Variants in HSPH1 observed in about 807,000 individuals in gnomAD.
HSPH1 encodes the protein heat shock protein 105 kDa.
Under a neutral mutation model 100.0 loss-of-function variants are expected in HSPH1, and 40 were observed. The ratio of observed to expected loss-of-function variants is 0.40; its 90% CI spans 0.31 to 0.52. The LOEUF (loss-of-function observed/expected upper bound fraction) is 0.52. HSPH1 is among the 20% of genes least tolerant of loss of function. The pLI, the probability that HSPH1 is intolerant of heterozygous loss-of-function variation, is 0.54. For synonymous variants in HSPH1, 403 were observed against 344.0 expected, an observed-to-expected ratio of 1.17 and a Z score of -1.90; for missense variants, 876 against 1,015.1, an observed-to-expected ratio of 0.86 and a Z score of 1.86.
chr13:31,146,573 GT>G (rs1320688519), intron 10 of HSPH1, among the ~76,000 whole-genome samples: 3 of 152,190 alleles, frequency 2.0e-5, no homozygotes, highest in African/African-American at 7.2e-5. Flanking sequence ...ACATTTAGCT[GT>G]TTTAAATAAG....
In HSPH1 at chr13:31,161,591, C is replaced by G. The variant is rs775763163; in HGVS notation, c.-9G>C. The G allele has an allele frequency of 2.5e-6, 4 of 1,612,078 alleles. No individual in the cohort carries two copies. Among genetic ancestry groups the G allele is most frequent in the East Asian group, 2.2e-5 (1 of 44,860 alleles). ...AACCCCACCACCGACATGGCCGGCT[C>G]GCGGTCCGCCTCCGCCTCGGGTCTC... On this transcript the variant is annotated 5_prime_UTR_variant, in exon 1 of 18. Coordinates refer to ENST00000320027, the MANE Select transcript of HSPH1 (RefSeq NM_006644.4).
intron 2 of HSPH1, among the ~76,000 whole-genome samples, chr13:31,156,473 A>T (rs1593211879): frequency 6.6e-6 from 1 of 152,120 alleles, no homozygotes; most frequent in Non-Finnish European, 1.5e-5. Flanking sequence ...CTGAGGCAGG[A>T]GAATCGCTGG....
intron 10 of HSPH1, among the ~76,000 whole-genome samples, chr13:31,146,777 G>A (rs1479979524): frequency 6.6e-6 from 1 of 152,136 alleles, no homozygotes; most frequent in African/African-American, 2.4e-5. Context: ...ACTTACTACA[G>A]AACCAAGTGC....
chr13:31,148,307 A>G, intron 9 of HSPH1, 67 bp downstream of exon 9: 1 of 1,099,556 alleles, frequency 9.1e-7, no homozygotes, highest in East Asian at 2.4e-5. Flanking sequence ...TGACTCTACT[A>G]GAGAAGTCAT....
chr13:31,158,575 T>C (rs1015944112), intron 2 of HSPH1, among the ~76,000 whole-genome samples: 1 of 125,394 alleles, frequency 8.0e-6, no homozygotes, highest in African/African-American at 3.0e-5. Flanking sequence ...AAAAAAAAAG[T>C]TAAGGATGGC....
At chr13:31,151,847 A>C in intron 5 of HSPH1, 105 bp from the exon 6 acceptor site, 2 of 927,776 alleles carry the variant, frequency 2.2e-6, no homozygotes, top group Admixed American at 2.6e-5. Flanking sequence ...AACTTGAAAC[A>C]ATTAAAGGTG....
chr13:31,140,342 T>A, intron 13 of HSPH1, 33 bp from the exon 14 acceptor site: 1 of 1,594,470 alleles, frequency 6.3e-7, no homozygotes, highest in Non-Finnish European at 8.5e-7. Context: ...AATTCCAGTC[T>A]TCTAGTTAAC....
Position 31,161,768 on chromosome 13 carries a change from G to A in HSPH1, c.-186C>T, listed in dbSNP as rs1327457717. The stretch of plus-strand genomic sequence containing the variant: ...CCTGTCAGGAGCCTCCTACTCCCCC[G>A]GGGACAGCGGCGGCTGGCTGATAAG... On this transcript the variant is annotated 5_prime_UTR_variant, in exon 1 of 18. Coordinates refer to ENST00000320027, the MANE Select transcript of HSPH1 (RefSeq NM_006644.4). 10 of 1,508,640 alleles carry A rather than the reference G, an allele frequency of 6.6e-6. No individual in the cohort carries two copies. In the African/African-American group the frequency reaches 6.9e-5, roughly 10 times the overall value. The allele number at this position is 1,508,640 out of a possible 1,614,324, so 93.5% of individuals were successfully genotyped here.
At position 31,154,618 on chromosome 13, in the gene HSPH1, C is replaced by T. The variant is rs1566012918; in HGVS notation, c.429+15G>A. The T allele has an allele frequency of 1.2e-6, 2 of 1,613,794 alleles. No individual in the cohort carries two copies. The highest frequency in any genetic ancestry group is 2.2e-5 in the South Asian group (2 of 91,082). On this transcript the variant is annotated intron_variant, in intron 4 of 17. Transcript: ENST00000320027. Reference sequence around the variant, plus strand: ...AAATGAAATAAAACACACTGCCTTGCTGAATTATACTTACTGAAATAACAC... The same window carrying T: ...AAATGAAATAAAACACACTGCCTTGTTGAATTATACTTACTGAAATAACAC...
intron 2 of HSPH1, among the ~76,000 whole-genome samples, chr13:31,156,616 G>A (rs944064787): frequency 2.0e-5 from 3 of 151,888 alleles, no homozygotes; most frequent in African/African-American, 4.8e-5. Flanking sequence ...ATTGCTAAGC[G>A]GCCAGGATAA....
chr13:31,146,479 A>G (rs941309262), intron 10 of HSPH1, among the ~76,000 whole-genome samples: 2 of 152,218 alleles, frequency 1.3e-5, no homozygotes, highest in East Asian at 1.9e-4. Flanking sequence ...GTTTGCAAGC[A>G]TAAGGAAGAT....
At chr13:31,155,773 T>G (rs1956664636) in intron 2 of HSPH1, 119 bp from the exon 3 acceptor site, 1 of 677,328 alleles carries the variant, frequency 1.5e-6, no homozygotes, top group Admixed American at 3.0e-5. Flanking sequence ...GCACATAAGT[T>G]GCCCTGAGGC....
rs963310785 is a variant in HSPH1, at chr13:31,148,151, C to A, written c.1245-59G>T. The A allele has an allele frequency of 7.3e-6, 11 of 1,499,936 alleles. 1 individual carries two copies. In the Admixed American group the frequency reaches 2.4e-4, roughly 32 times the overall value. 92.9% of individuals were successfully genotyped at this position (1,499,936 alleles called of 1,614,324 possible). A position where few individuals can be genotyped will look rare whatever the true frequency, so the allele number is the denominator to read the frequency against. On this transcript the variant is annotated intron_variant, in intron 9 of 17. Coordinates refer to ENST00000320027, the MANE Select transcript of HSPH1 (RefSeq NM_006644.4). ...AAGAACTTAAAATATGCTTACTGTG[C>A]TACACAAACAGAAAAGAGGCTTTCT...
At chr13:31,154,289 G>A in intron 4 of HSPH1, 1 of 326,142 alleles carries the variant, frequency 3.1e-6, no homozygotes, top group Non-Finnish European at 5.9e-6. Context: ...TTTCTCAACG[G>A]AGGGTAGAAT....
intron 1 of HSPH1, among the ~76,000 whole-genome samples, chr13:31,160,850 G>A (rs1302644110): frequency 1.3e-5 from 2 of 152,192 alleles, no homozygotes; most frequent in Non-Finnish European, 2.9e-5. Context: ...TGTTAGCAAC[G>A]AAGAGACTGG....
At chr13:31,139,195 T>A in intron 14 of HSPH1, 88 bp from the exon 15 acceptor site, 2 of 815,914 alleles carry the variant, frequency 2.5e-6, no homozygotes, top group Non-Finnish European at 4.2e-6. Context: ...ACTAGGTAGC[T>A]AATCTTATCT....
rs1294156544 is a variant in HSPH1, at chr13:31,139,046, T to C, written c.2042A>G (p.Glu681Gly). ...ETEDWLYEEG[E>G]DQAKQAYVDK... Reference sequence around the variant, plus strand: ...AACATATGCTTGTTTAGCTTGGTCCTCTCCTTCTTCATACAGCCAGTCTTC... The same window carrying C: ...AACATATGCTTGTTTAGCTTGGTCCCCTCCTTCTTCATACAGCCAGTCTTC... Residue 681 changes from glutamate to glycine, a missense_variant, in exon 15 of 18, where the codon GAG becomes GGG. Glu to Gly is a moderately conservative substitution (Grantham distance 98). Transcript: ENST00000320027. 6 of 1,613,270 alleles carry C rather than the reference T, an allele frequency of 3.7e-6. No homozygotes were observed. The highest frequency in any genetic ancestry group is 4.2e-6 in the Non-Finnish European group (5 of 1,179,328).
Position 31,145,452 on chromosome 13 carries a change from A to T in HSPH1, c.1584+111T>A. The T allele has an allele frequency of 8.9e-6, 7 of 785,268 alleles. No homozygotes were observed. The South Asian group carries it at 1.2e-4, about 14-fold the overall frequency. 48.6% of individuals were successfully genotyped at this position (785,268 alleles called of 1,614,324 possible). On this transcript the variant is annotated intron_variant, in intron 11 of 17. Coordinates refer to ENST00000320027, the MANE Select transcript of HSPH1 (RefSeq NM_006644.4). ...ATTATCATTACCTAAAATTCTGATCAAAATTATTCATGAAGGAAAACATTC... is the reference window on the plus strand; with the variant it reads ...ATTATCATTACCTAAAATTCTGATCTAAATTATTCATGAAGGAAAACATTC...
intron 5 of HSPH1, 78 bp downstream of exon 5, chr13:31,152,774 C>G (rs1253779583): frequency 3.0e-6 from 3 of 994,830 alleles, no homozygotes; most frequent in African/African-American, 3.2e-5. Flanking sequence ...GTTTCTGTAT[C>G]TATAAGAAAG....
Sources: gnomAD v4.1 joint callset for allele counts (sites outside exome capture counted in the v4.1 genomes callset) on GRCh38, gnomAD v4.1.1 for gene constraint, MANE v1.5 for transcripts, NCBI Gene and HGNC (gene_info 2026-07-23, HGNC 2026-07-21) for gene names.